Variants in PDE10A observed in about 807,000 individuals in gnomAD.
PDE10A encodes phosphodiesterase 10A, also known as cAMP and cAMP-inhibited cGMP 3',5'-cyclic phosphodiesterase 10A.
Under a neutral mutation model 97.7 loss-of-function variants are expected in PDE10A, and 39 were observed. That is an observed-to-expected ratio of 0.40 (90% CI 0.31 to 0.52). The LOEUF is 0.52. Among genes scored for constraint, PDE10A ranks in the 20% least tolerant of loss-of-function variants. PDE10A has a pLI of 0.56. For synonymous variants in PDE10A, 371 were observed against 376.8 expected (o/e 0.98, Z 0.18); for missense variants, 731 against 1,047.8 (o/e 0.70, Z 4.17).
intron 1 of PDE10A, among the ~76,000 whole-genome samples, chr6:165,580,961 G>GTC (rs1363238321): frequency 6.6e-6 from 1 of 152,064 alleles, no homozygotes; most frequent in African/African-American, 2.4e-5. Flanking sequence ...CTCCTACCCA[G>GTC]TGAGAAAGAA....
intron 1 of PDE10A, among the ~76,000 whole-genome samples, chr6:165,645,671 T>C (rs1029815741): frequency 1.3e-5 from 2 of 151,872 alleles, no homozygotes; most frequent in South Asian, 2.1e-4. Context: ...CTGACCAATA[T>C]GGTGAAACCC....
intron 1 of PDE10A, among the ~76,000 whole-genome samples, chr6:165,733,689 C>T (rs1326253266): frequency 6.6e-6 from 1 of 152,194 alleles, no homozygotes; most frequent in African/African-American, 2.4e-5. Context: ...TATTAAAACA[C>T]CCAGTTGTTT....
rs386409260 is a variant in PDE10A, at chr6:165,567,994, A to ATTTTT, written c.866-24431_866-24427dup. The stretch of plus-strand genomic sequence containing the variant: ...GCACACAATAGGTACGCAACAAGGC[A>ATTTTT]TTTTTTTTTTTTTTTTTTTTTTGAG... On this transcript the variant is annotated intron_variant, in intron 1 of 21. Transcript: ENST00000539869. 1.2e-3 allele frequency among the ~76,000 whole-genome samples: 154 copies of ATTTTT among 130,612 alleles called. 4 individuals carry two copies. The highest frequency in any genetic ancestry group is 2.3e-3 in the African/African-American group (75 of 32,516). The allele number at this position is 130,612 out of a possible 152,430, so 85.7% of individuals were successfully genotyped here. A position where few individuals can be genotyped will look rare whatever the true frequency, so the allele number is the denominator to read the frequency against.
At chr6:165,474,102 T>TG (rs1240384967) in intron 3 of PDE10A, among the ~76,000 whole-genome samples, 1 of 152,204 alleles carries the variant, frequency 6.6e-6, no homozygotes, top group Non-Finnish European at 1.5e-5. Flanking sequence ...TCCTCCTTTT[T>TG]GGGGGAATGT....
At chr6:165,937,721 C>T (rs1217449134) in intron 1 of PDE10A, among the ~76,000 whole-genome samples, 1 of 152,166 alleles carries the variant, frequency 6.6e-6, no homozygotes, top group Non-Finnish European at 1.5e-5. Flanking sequence ...GAGCTGTTGT[C>T]AGTTTCACAA....
At chr6:165,569,755 G>A (rs9348016) in intron 1 of PDE10A, among the ~76,000 whole-genome samples, 9,800 of 152,188 alleles carry the variant, frequency 0.064, 688 homozygotes, top group East Asian at 0.33. Flanking sequence ...CCGGTTTACT[G>A]TTCCCTGTGT....
intron 1 of PDE10A, among the ~76,000 whole-genome samples, chr6:165,978,806 T>C (rs917515456): frequency 2.0e-5 from 3 of 152,198 alleles, no homozygotes; most frequent in African/African-American, 7.2e-5. Context: ...AGGTGTTGAA[T>C]TGTGGTCATG....
At chr6:165,689,347 C>T (rs765061423) in intron 1 of PDE10A, among the ~76,000 whole-genome samples, 17 of 152,260 alleles carry the variant, frequency 1.1e-4, no homozygotes, top group Non-Finnish European at 1.6e-4. Flanking sequence ...GTGCAAAATA[C>T]GTCAGTCATT....
At chr6:165,691,178 TCTCTCTCTCC>T (rs146344863) in intron 1 of PDE10A, among the ~76,000 whole-genome samples, 69,825 of 101,818 alleles carry the variant, frequency 0.69, 25,130 homozygotes, top group Non-Finnish European at 0.78. Flanking sequence ...TCTTTCTCTC[TCTCTCTCTCC>T]CTCTCTCTCT....
chr6:165,680,399 GC>G (rs1200443086), intron 1 of PDE10A, among the ~76,000 whole-genome samples: 5 of 152,190 alleles, frequency 3.3e-5, no homozygotes, highest in Non-Finnish European at 7.3e-5. Flanking sequence ...CTGCCAGAAG[GC>G]AAACTTCCAG....
intron 1 of PDE10A, among the ~76,000 whole-genome samples, chr6:165,746,570 G>A (rs1253821912): frequency 4.6e-5 from 7 of 152,174 alleles, no homozygotes; most frequent in South Asian, 4.1e-4. Context: ...TGCCAGACCC[G>A]GAGACACAGC....
chr6:165,873,967 T>C (rs1281180917), intron 1 of PDE10A, among the ~76,000 whole-genome samples: 4 of 152,336 alleles, frequency 2.6e-5, no homozygotes, highest in Admixed American at 1.3e-4. Flanking sequence ...AACACAAATA[T>C]AGATTTCTAT....
intron 1 of PDE10A, among the ~76,000 whole-genome samples, chr6:165,840,347 C>G (rs1780226986): frequency 1.3e-5 from 2 of 152,178 alleles, no homozygotes; most frequent in Admixed American, 1.3e-4. Context: ...GCAACAAGAG[C>G]ATTGGAGATC....
At chr6:165,462,909 G>A (rs965904530) in intron 3 of PDE10A, among the ~76,000 whole-genome samples, 1 of 152,166 alleles carries the variant, frequency 6.6e-6, no homozygotes, top group African/African-American at 2.4e-5. Flanking sequence ...TCTGATCTCA[G>A]TATTTACCAT....
intron 18 of PDE10A, among the ~76,000 whole-genome samples, chr6:165,369,081 A>G (rs1055984946): frequency 1.3e-5 from 2 of 152,012 alleles, no homozygotes; most frequent in African/African-American, 4.8e-5. Context: ...CCATCTGTAC[A>G]TCACCATCAT....
intron 6 of PDE10A, among the ~76,000 whole-genome samples, chr6:165,434,774 A>T (rs73788384): frequency 0.025 from 3,847 of 152,246 alleles, 167 homozygotes; most frequent in African/African-American, 0.085. Context: ...TGGCCAGCTG[A>T]CCTCAGACGC....
chr6:165,713,750 G>T (rs1791960315), intron 1 of PDE10A, among the ~76,000 whole-genome samples: 1 of 152,232 alleles, frequency 6.6e-6, no homozygotes, highest in Admixed American at 6.5e-5. Context: ...ACTGGTGTTT[G>T]CAGATCTCTG....
chr6:165,898,229 T>C (rs1583253316), intron 1 of PDE10A, among the ~76,000 whole-genome samples: 1 of 152,254 alleles, frequency 6.6e-6, no homozygotes, highest in South Asian at 2.1e-4. Context: ...GTTTTTACAC[T>C]GAGAAGGTGG....
At chr6:165,645,504 G>T (rs752041310) in intron 1 of PDE10A, among the ~76,000 whole-genome samples, 1 of 152,064 alleles carries the variant, frequency 6.6e-6, no homozygotes, top group Non-Finnish European at 1.5e-5. Context: ...TTACAGACAC[G>T]CAAGCACATT....
Sources: allele counts gnomAD v4.1 joint callset (sites outside exome capture counted in the v4.1 genomes callset), GRCh38; gene constraint gnomAD v4.1.1; transcripts MANE v1.5; gene names NCBI Gene and HGNC (gene_info 2026-07-23, HGNC 2026-07-21).